ZNF638: variants seen among roughly 807,000 people sequenced by gnomAD.
ZNF638 encodes zinc finger protein 638.
In ZNF638, 46 loss-of-function variants were observed where a neutral mutation model predicts 195.6. The observed-to-expected ratio is 0.24, with a 90% CI of 0.19 to 0.30. ZNF638 has a LOEUF of 0.30. Among genes scored for constraint, ZNF638 ranks in the 10% least tolerant of loss-of-function variants. The pLI, the probability that ZNF638 is intolerant of heterozygous loss-of-function variation, is 1.00. For synonymous variants in ZNF638, 845 were observed against 772.0 expected (o/e 1.09, Z -1.57); for missense variants, 2,440 against 2,325.3 (o/e 1.05, Z -1.01).
chr2:71,355,511 A>C (rs936082318), intron 2 of ZNF638, among the ~76,000 whole-genome samples: 1 of 152,212 alleles, frequency 6.6e-6, no homozygotes, highest in Non-Finnish European at 1.5e-5. Flanking sequence ...AATATTTTCA[A>C]ATGGGATCAG....
intron 1 of ZNF638, among the ~76,000 whole-genome samples, chr2:71,334,916 G>A (rs1330229268): frequency 6.7e-6 from 1 of 149,324 alleles, no homozygotes; most frequent in Non-Finnish European, 1.5e-5. Flanking sequence ...GCTAGACTCC[G>A]TCTCCAAAAA....
In ZNF638 at chr2:71,351,276, T is replaced by C. The variant is rs547288593; in HGVS notation, c.1317+1005T>C. Among the ~76,000 whole-genome samples the C allele has an allele frequency of 2.6e-5, 4 of 152,330 alleles. No homozygotes were observed. The South Asian group carries it at 8.3e-4, about 32-fold the overall frequency. The stretch of plus-strand genomic sequence containing the variant: ...GATTTTCTTTTCATTATTTACTCAC[T>C]AGGTTTTCGTCAACATGAATCTGAT... On this transcript the variant is annotated intron_variant, in intron 2 of 27. Coordinates refer to ENST00000264447, the MANE Select transcript of ZNF638 (RefSeq NM_014497.5).
intron 1 of ZNF638, 133 bp downstream of exon 1, chr2:71,332,008 C>A: frequency 1.9e-6 from 1 of 535,098 alleles, no homozygotes; most frequent in Non-Finnish European, 2.4e-6. Context: ...AAAATGGCGG[C>A]GGGCAGACGG....
At chr2:71,375,089 CAT>C (rs1321862320) in intron 8 of ZNF638, 6 of 151,930 alleles carry the variant, frequency 3.9e-5, no homozygotes, top group South Asian at 2.1e-4. Context: ...TTTTAGTTCT[CAT>C]ATGTTTTCTA....
At chr2:71,430,174 T>G (rs1030250516) in intron 25 of ZNF638, among the ~76,000 whole-genome samples, 3 of 152,020 alleles carry the variant, frequency 2.0e-5, no homozygotes, top group African/African-American at 7.2e-5. Flanking sequence ...AATTGTAAAC[T>G]TAAATCATTT....
intron 8 of ZNF638, chr2:71,375,078 T>A (rs1296800905): frequency 1.3e-5 from 2 of 152,244 alleles, no homozygotes; most frequent in African/African-American, 2.4e-5. Flanking sequence ...GGATCTTTAT[T>A]TTTTAGTTCT....
intron 3 of ZNF638, among the ~76,000 whole-genome samples, chr2:71,358,992 C>T (rs1354421318): frequency 6.6e-6 from 1 of 152,124 alleles, no homozygotes; most frequent in Non-Finnish European, 1.5e-5. Context: ...TTTTTAAAAA[C>T]ATGCTATTGT....
intron 20 of ZNF638, among the ~76,000 whole-genome samples, chr2:71,410,983 T>TCC (rs34472889): frequency 0.014 from 688 of 48,038 alleles, 27 homozygotes; most frequent in African/African-American, 0.029. Context: ...ACCCACCACC[T>TCC]CCCCCCCCCT....
chr2:71,333,031 T>C (rs1019345190), intron 1 of ZNF638: 2 of 152,222 alleles, frequency 1.3e-5, no homozygotes, highest in Admixed American at 6.5e-5. Flanking sequence ...GGTTCAGATT[T>C]ACAATTAAAA....
intron 1 of ZNF638, among the ~76,000 whole-genome samples, chr2:71,344,980 A>T (rs1385678216): frequency 6.6e-6 from 1 of 152,234 alleles, no homozygotes; most frequent in East Asian, 1.9e-4. Flanking sequence ...ATGAGTATAC[A>T]GTAGTCTCCC....
chr2:71,428,841 T>C lies in ZNF638; in HGVS notation c.5650+190T>C, dbSNP rs1015692495. The C allele has an allele frequency of 2.7e-5, 12 of 447,874 alleles. No homozygotes were observed. The East Asian group carries it at 2.8e-4, about 10-fold the overall frequency. 27.7% of individuals were successfully genotyped at this position (447,874 alleles called of 1,614,324 possible). ...ATGTAGAGAGAATGGATTATTGATA[T>C]TAGAATGTGACAGATTAGAGGAAAT... On this transcript the variant is annotated intron_variant, in intron 25 of 27. Coordinates refer to ENST00000264447, the MANE Select transcript of ZNF638 (RefSeq NM_014497.5).
rs2080479960 is a variant in ZNF638 at position 71,423,838 on chromosome 2, C to A, written c.4324C>A (p.Pro1442Thr). ...LSAKEFGLLK[P>T]TSARSGLAES... ...AGCCAAGGAATTTGGTCTGCTTAAA[C>A]CCACAAGTGCCAGGTCAGGCTTGGC... is the stretch of plus-strand genomic sequence containing the variant. Residue 1442 changes from proline to threonine, a missense_variant, in exon 22 of 28, where the codon CCC becomes ACC. Pro to Thr is a conservative substitution (Grantham distance 38, BLOSUM62 -1). Transcript: ENST00000264447. 1 of 1,613,992 alleles carries A rather than the reference C, an allele frequency of 6.2e-7. No individual in the cohort carries two copies. Among genetic ancestry groups the A allele is most frequent in the Non-Finnish European group, 8.5e-7 (1 of 1,180,012 alleles).
chr2:71,392,671 GCCAC>G (rs1356427561), intron 10 of ZNF638, among the ~76,000 whole-genome samples: 3 of 152,060 alleles, frequency 2.0e-5, no homozygotes, highest in African/African-American at 7.2e-5. Context: ...GCTTGACCAA[GCCAC>G]CCAGTCGCTT....
At chr2:71,344,872 A>G (rs1243517355) in intron 1 of ZNF638, among the ~76,000 whole-genome samples, 1 of 152,238 alleles carries the variant, frequency 6.6e-6, no homozygotes, top group African/African-American at 2.4e-5. Context: ...AAAACATTTT[A>G]TTTGGAGTGG....
Position 71,365,440 on chromosome 2 carries a change from G to A in ZNF638, c.1729G>A (p.Ala577Thr), listed in dbSNP as rs200204477. The change falls in exon 6 of 28, where the codon GCA (alanine) becomes ACA (threonine). Residue 577 changes from alanine to threonine, a missense_variant. By Grantham distance (58) the Ala-to-Thr change is moderately conservative. Transcript: ENST00000264447. ...TATCTTTTTACTAGATAGAAAAAAA[G>A]CATTAGAAGATGTAGTACAACGATC... is the stretch of plus-strand genomic sequence containing the variant. The part of the protein sequence containing the change: ...RSVRSSDRKK[A>T]LEDVVQRSGH... 1.4e-4 allele frequency: 219 copies of A among 1,591,020 alleles called. 3 individuals are homozygous for A. The highest frequency in any genetic ancestry group is 2.7e-4 in the South Asian group (23 of 85,624).
intron 21 of ZNF638, among the ~76,000 whole-genome samples, chr2:71,420,483 T>A (rs754935429): frequency 3.3e-5 from 5 of 152,200 alleles, no homozygotes; most frequent in Non-Finnish European, 7.4e-5. Flanking sequence ...TAATCTTTAG[T>A]ATTGTGAAGT....
At chr2:71,371,702 GT>G (rs55785640) in intron 8 of ZNF638, among the ~76,000 whole-genome samples, 129,187 of 148,492 alleles carry the variant, frequency 0.87, 56,371 homozygotes, top group African/African-American at 0.91. Context: ...CAGAGTATTA[GT>G]TTTTTTTTTT....
intron 5 of ZNF638, 56 bp downstream of exon 5, chr2:71,364,308 G>A (rs2104272420): frequency 6.6e-7 from 1 of 1,513,778 alleles, no homozygotes; most frequent in Non-Finnish European, 8.9e-7. Context: ...ATTTTTAAAT[G>A]TCTTTCTTTT....
intron 14 of ZNF638, 108 bp from the exon 15 acceptor site, chr2:71,400,370 A>T: frequency 8.6e-7 from 1 of 1,160,010 alleles, no homozygotes; most frequent in Non-Finnish European, 1.2e-6. Context: ...AATTCTCTAG[A>T]CTTGTTGTAT....
Sources: gnomAD v4.1 joint callset for allele counts (sites outside exome capture counted in the v4.1 genomes callset) on GRCh38, gnomAD v4.1.1 for gene constraint, MANE v1.5 for transcripts, NCBI Gene and HGNC (gene_info 2026-07-23, HGNC 2026-07-21) for gene names.